DNAH5: variants seen among roughly 807,000 people sequenced by gnomAD.
DNAH5 encodes the protein axonemal beta dynein heavy chain 5.
In DNAH5, 372 loss-of-function variants were observed where a neutral mutation model predicts 518.2. That is an observed-to-expected ratio of 0.72 (90% CI 0.66 to 0.78). The LOEUF is 0.78. DNAH5 is among the 30% of genes least tolerant of loss of function. DNAH5 has a pLI of 0.00. For synonymous variants in DNAH5, 2,039 were observed against 2,025.9 expected (o/e 1.01, Z -0.17); for missense variants, 5,523 against 5,687.0 (o/e 0.97, Z 0.93).
chr5:13,786,393 C>G, intron 51 of DNAH5, 42 bp from the exon 52 acceptor site: 2 of 1,560,722 alleles, frequency 1.3e-6, no homozygotes, highest in Non-Finnish European at 1.8e-6. Flanking sequence ...CTGCAAATAC[C>G]TGCATTTTAC....
chr5:13,807,473 G>T, intron 47 of DNAH5, 118 bp downstream of exon 47: 1 of 956,670 alleles, frequency 1.0e-6, no homozygotes, highest in Non-Finnish European at 1.6e-6. Context: ...GTACGTGGGT[G>T]ATTTATCATG....
chr5:13,849,997 G>A (rs1163790804), intron 31 of DNAH5, among the ~76,000 whole-genome samples: 3 of 152,112 alleles, frequency 2.0e-5, no homozygotes, highest in African/African-American at 4.8e-5. Flanking sequence ...GAGGCCATCA[G>A]GATGTATTCA....
At position 13,721,156 on chromosome 5, in the gene DNAH5, T is replaced by C; in HGVS notation, c.12123A>G (p.Pro4041=). The C allele has an allele frequency of 6.2e-7, 1 of 1,614,108 alleles. No homozygotes were observed. The highest frequency in any genetic ancestry group is 1.6e-4 in the Middle Eastern group (1 of 6,062). ...DLEKTWEESD[P]RTPLICLLSM... The stretch of plus-strand genomic sequence containing the variant: ...ACAGGAGACAGATGAGTGGCGTCCG[T>C]GGATCAGATTCCTCCCACGTCTTCT... The change falls in exon 71 of 79, where the codon CCA becomes CCG. Residue 4041 remains proline, a synonymous_variant. Coordinates refer to ENST00000265104, the MANE Select transcript of DNAH5 (RefSeq NM_001369.3).
intron 47 of DNAH5, among the ~76,000 whole-genome samples, chr5:13,804,648 T>C (rs1045679556): frequency 6.6e-6 from 1 of 152,232 alleles, no homozygotes; most frequent in African/African-American, 2.4e-5. Context: ...GATCCTGTGA[T>C]GCTTCTGAAC....
At chr5:13,735,557 G>A (rs993033186) in intron 67 of DNAH5, among the ~76,000 whole-genome samples, 2 of 152,104 alleles carry the variant, frequency 1.3e-5, no homozygotes, top group South Asian at 2.1e-4. Flanking sequence ...CACTCACAAC[G>A]ATATCTTGGG....
At chr5:13,802,192 T>C (rs544501997) in intron 47 of DNAH5, among the ~76,000 whole-genome samples, 2 of 152,306 alleles carry the variant, frequency 1.3e-5, no homozygotes, top group Non-Finnish European at 2.9e-5. Context: ...TCTTATGCAA[T>C]TTATGAAACC....
intron 76 of DNAH5, among the ~76,000 whole-genome samples, chr5:13,705,673 G>A (rs1437365605): frequency 2.0e-5 from 3 of 152,048 alleles, no homozygotes; most frequent in Non-Finnish European, 4.4e-5. Context: ...GATCTTATGC[G>A]GGAACAGGGT....
chr5:13,851,015 T>C (rs1372377371), intron 30 of DNAH5, among the ~76,000 whole-genome samples, 200 bp from the exon 31 acceptor site: 1 of 152,184 alleles, frequency 6.6e-6, no homozygotes, highest in Non-Finnish European at 1.5e-5. Context: ...TAAGTAAGCA[T>C]CCTTAGCTCA....
chr5:13,730,915 G>T (rs887798788), intron 68 of DNAH5, among the ~76,000 whole-genome samples: 1 of 151,872 alleles, frequency 6.6e-6, no homozygotes, highest in South Asian at 2.1e-4. Context: ...TGTCAGGCTG[G>T]TCTCGAACTC....
intron 70 of DNAH5, among the ~76,000 whole-genome samples, chr5:13,725,470 C>T (rs1745596680): frequency 6.6e-6 from 1 of 152,228 alleles, no homozygotes; most frequent in Non-Finnish European, 1.5e-5. Flanking sequence ...CAGGTTTCTG[C>T]ACAGCCTGCC....
chr5:13,897,092 T>A (rs1419116748), intron 15 of DNAH5, among the ~76,000 whole-genome samples: 1 of 152,240 alleles, frequency 6.6e-6, no homozygotes. Flanking sequence ...CTTAAGGAAG[T>A]AAGAAGCCTT....
chr5:13,987,394 C>A (rs1040041682), intron 1 of DNAH5, among the ~76,000 whole-genome samples: 1 of 151,964 alleles, frequency 6.6e-6, no homozygotes, highest in Non-Finnish European at 1.5e-5. Context: ...TTAACTGAAG[C>A]TGTAAAACAA....
intron 54 of DNAH5, 25 bp downstream of exon 54, chr5:13,777,177 A>T (rs1360736091): frequency 6.2e-7 from 1 of 1,607,370 alleles, no homozygotes; most frequent in South Asian, 1.1e-5. Context: ...GGGATAAAAC[A>T]CATAAAGAAT....
rs1266704376 is a variant in DNAH5 at position 13,920,474 on chromosome 5, A to G, written c.798+6T>C. 6.2e-7 allele frequency: 1 copy of G among 1,614,104 alleles called. No individual in the cohort carries two copies. The highest frequency in any genetic ancestry group is 1.7e-5 in the Admixed American group (1 of 60,018). The stretch of plus-strand genomic sequence containing the variant: ...CTGAAATTGATGTTTGGTTTCTCAA[A>G]ATTACCTGTTCTGTCTGTTTGATCC... On this transcript the variant is annotated splice_donor_region_variant and intron_variant, in intron 6 of 78. Coordinates refer to ENST00000265104, the MANE Select transcript of DNAH5 (RefSeq NM_001369.3).
intron 52 of DNAH5, among the ~76,000 whole-genome samples, chr5:13,782,146 G>A (rs988906244): frequency 7.2e-5 from 11 of 152,072 alleles, no homozygotes; most frequent in Middle Eastern, 3.2e-3. Flanking sequence ...GTATCACTGC[G>A]ATGTCCATCT....
intron 41 of DNAH5, among the ~76,000 whole-genome samples, chr5:13,819,810 C>A (rs1261476731): frequency 6.6e-6 from 1 of 152,016 alleles, no homozygotes; most frequent in Non-Finnish European, 1.5e-5. Flanking sequence ...AATCTGATTC[C>A]AAATGGGAAG....
At chr5:13,911,311 A>C (rs370644305) in intron 12 of DNAH5, 75 bp downstream of exon 12, 19 of 1,115,570 alleles carry the variant, frequency 1.7e-5, no homozygotes, top group East Asian at 1.7e-4. Context: ...CTGATTGGGT[A>C]ATGATTAACG....
intron 53 of DNAH5, among the ~76,000 whole-genome samples, chr5:13,777,771 G>C (rs921150827): frequency 6.6e-6 from 1 of 152,180 alleles, no homozygotes; most frequent in Non-Finnish European, 1.5e-5. Context: ...GTTATACAGG[G>C]TGAGTGAGAT....
At position 13,707,949 on chromosome 5, in the gene DNAH5, TA is replaced by T. The variant is rs1054085398; in HGVS notation, c.13338+173del. 6.0e-5 allele frequency among the ~76,000 whole-genome samples: 9 copies of T among 151,192 alleles called. No individual in the cohort carries two copies. The highest frequency in any genetic ancestry group is 2.2e-4 in the African/African-American group (9 of 41,120). On this transcript the variant is annotated intron_variant, in intron 76 of 78. Coordinates refer to ENST00000265104, the MANE Select transcript of DNAH5 (RefSeq NM_001369.3). This position sits in a 1 kb window ranked among gnomAD's most constrained non-coding sequence, Gnocchi z 4.0. The stretch of plus-strand genomic sequence containing the variant: ...AGAGAACCTGATTCGTGGGATTTGC[TA>T]AAAAAAAACTTCCTTCCCTACCTAT...
Sources: allele counts gnomAD v4.1 joint callset (sites outside exome capture counted in the v4.1 genomes callset), GRCh38; gene constraint gnomAD v4.1.1; non-coding constraint Gnocchi (gnomAD v3.1); transcripts MANE v1.5; gene names NCBI Gene and HGNC (gene_info 2026-07-23, HGNC 2026-07-21).